The following MMACHC variants were observed in gnomAD, a reference collection of about 807,000 sequenced individuals.
MMACHC encodes the protein metabolism of cobalamin associated C.
Under a neutral mutation model 17.6 loss-of-function variants are expected in MMACHC, and 14 were observed. That is an observed-to-expected ratio of 0.80 (90% CI 0.53 to 1.25). MMACHC has a LOEUF of 1.25. Among genes scored for constraint, MMACHC ranks in the 50% most tolerant of loss-of-function variants. MMACHC has a pLI of 0.00. For synonymous variants in MMACHC, 151 were observed against 142.1 expected, an observed-to-expected ratio of 1.06 and a Z score of -0.45; for missense variants, 392 against 364.5, an observed-to-expected ratio of 1.08 and a Z score of -0.62.
chr1:45,502,354 CA>C (rs1643558663), intron 1 of MMACHC, among the ~76,000 whole-genome samples: 1 of 152,166 alleles, frequency 6.6e-6, no homozygotes, highest in Non-Finnish European at 1.5e-5. Context: ...ACTGCAGCCT[CA>C]AACTCCTGGG....
intron 3 of MMACHC, 92 bp downstream of exon 3, chr1:45,508,456 G>A (rs1428972736): frequency 3.5e-6 from 5 of 1,447,412 alleles, no homozygotes; most frequent in Non-Finnish European, 4.8e-6. Flanking sequence ...CTGGATGGAT[G>A]TGACACAACC....
Position 45,508,365 on chromosome 1 carries a change from G to C in MMACHC, c.429+1G>C, listed in dbSNP as rs1643668441. 6.2e-7 allele frequency: 1 copy of C among 1,614,146 alleles called. No homozygotes were observed. The highest frequency in any genetic ancestry group is 8.5e-7 in the Non-Finnish European group (1 of 1,180,022). ...GGAGGCTGACCCATGGGGGAACCAGGTGAGAGGGAAAATGTAAATAGAGGC... is the reference window on the plus strand; with the variant it reads ...GGAGGCTGACCCATGGGGGAACCAGCTGAGAGGGAAAATGTAAATAGAGGC... On this transcript the variant is annotated splice_donor_variant, in intron 3 of 3. Transcript: ENST00000401061. LOFTEE classifies it high-confidence loss of function.
At chr1:45,502,313 C>T (rs1234825248) in intron 1 of MMACHC, among the ~76,000 whole-genome samples, 3 of 152,134 alleles carry the variant, frequency 2.0e-5, no homozygotes, top group Non-Finnish European at 2.9e-5. Context: ...TCTGTCCTCC[C>T]GGCCGGAGTG....
intron 1 of MMACHC, among the ~76,000 whole-genome samples, chr1:45,503,014 C>A (rs12123350): frequency 6.6e-6 from 1 of 152,110 alleles, no homozygotes; most frequent in East Asian, 1.9e-4. Flanking sequence ...CACAAGGAAG[C>A]CTTTTCTAAT....
At chr1:45,500,547 T>G (rs1643523244) in intron 1 of MMACHC, 134 bp downstream of exon 1, 1 of 862,096 alleles carries the variant, frequency 1.2e-6, no homozygotes, top group Admixed American at 2.0e-5. Context: ...GGGACAGAGT[T>G]TCAGTGGGGG....
rs1322086708 is a variant in MMACHC, at chr1:45,509,197, T to C, written c.831T>C (p.Pro277=). Residue 277 remains proline, a synonymous_variant, in exon 4 of 4, where the codon CCT becomes CCC. Coordinates refer to ENST00000401061, the MANE Select transcript of MMACHC (RefSeq NM_015506.3). The stretch of plus-strand genomic sequence containing the variant: ...GGCTCAGCCCCAGGGTCTCACCACC[T>C]GCATCCCCTGGCCCTTGATTTTCTC... The part of the protein sequence containing the change: ...RSWLSPRVSP[P]ASPGP 2.0e-5 allele frequency: 33 copies of C among 1,613,954 alleles called. No individual in the cohort carries two copies. Among genetic ancestry groups the C allele is most frequent in the Non-Finnish European group, 2.8e-5 (33 of 1,180,042 alleles).
Position 45,509,128 on chromosome 1 carries a change from ACCCGCC to A in MMACHC, c.766_771del (p.Ala256_Pro257del), listed in dbSNP as rs796064513. On this transcript the variant is annotated inframe_deletion, in exon 4 of 4. Transcript: ENST00000401061. ...CCTCCCCGGACCTTCCCTTTACCAC[ACCCGCC>A]CCCAAGAAGCCTGGGAATCCCAGCA... is the stretch of plus-strand genomic sequence containing the variant. 475 of 1,610,814 alleles carry A rather than the reference ACCCGCC, an allele frequency of 2.9e-4. 2 individuals carry two copies. In the South Asian group the frequency reaches 3.1e-3, roughly 11 times the overall value.
At chr1:45,503,431 C>CTTTT (rs10607418) in intron 1 of MMACHC, among the ~76,000 whole-genome samples, 7 of 77,032 alleles carry the variant, frequency 9.1e-5, no homozygotes, top group Non-Finnish European at 1.1e-4. Flanking sequence ...TAACTCTCTG[C>CTTTT]TTTTTTTTTT....
chr1:45,508,296 G>C lies in MMACHC; in HGVS notation c.361G>C (p.Ala121Pro). 1 of 1,614,234 alleles carries C rather than the reference G, an allele frequency of 6.2e-7. No individual in the cohort carries two copies. The highest frequency in any genetic ancestry group is 8.5e-7 in the Non-Finnish European group (1 of 1,180,042). The change falls in exon 3 of 4, where the codon GCC (alanine) becomes CCC (proline). Residue 121 changes from alanine (A) to proline (P), a missense_variant. Coordinates refer to ENST00000401061, the MANE Select transcript of MMACHC (RefSeq NM_015506.3). ...RRPKILAQTAAHVAGAAYYYQ... is the reference protein window; with the variant it reads ...RRPKILAQTAPHVAGAAYYYQ... Reference sequence around the variant, plus strand: ...CCCCAAGATCCTGGCCCAGACAGCAGCCCATGTAGCTGGGGCTGCTTACTA... The same window carrying C: ...CCCCAAGATCCTGGCCCAGACAGCACCCCATGTAGCTGGGGCTGCTTACTA...
At chr1:45,500,595 T>C (rs539030901) in intron 1 of MMACHC, among the ~76,000 whole-genome samples, 182 bp downstream of exon 1, 2 of 152,318 alleles carry the variant, frequency 1.3e-5, no homozygotes, top group South Asian at 4.1e-4. Context: ...CCGGGCATGG[T>C]GGCTCACGCC....
Position 45,509,416 on chromosome 1 carries a change from G to GTTTTTC in MMACHC, c.*206_*207insCTTTTT. The GTTTTTC allele has an allele frequency of 2.6e-6, 1 of 390,460 alleles. No individual in the cohort carries two copies. The highest frequency in any genetic ancestry group is 4.4e-6 in the Non-Finnish European group (1 of 229,000). 24.2% of individuals were successfully genotyped at this position (390,460 alleles called of 1,614,324 possible). A position where few individuals can be genotyped will look rare whatever the true frequency, so the allele number is the denominator to read the frequency against. ...AGAATTCCCATCTGCCTTCAAATGA[G>GTTTTTC]TTTTTTTTTTTTTTTTAGACAGAGT... On this transcript the variant is annotated 3_prime_UTR_variant, in exon 4 of 4. Transcript: ENST00000401061.
chr1:45,509,819 C>CGAG lies in MMACHC; in HGVS notation c.*605_*606insAGG, dbSNP rs1177940803. ...CCTACCAGCAGGGTGTGGTGGCTCC[C>CGAG]GCCTGTAATCCCAGCACTCTGGGAG... On this transcript the variant is annotated 3_prime_UTR_variant, in exon 4 of 4. Coordinates refer to ENST00000401061, the MANE Select transcript of MMACHC (RefSeq NM_015506.3). The CGAG allele has an allele frequency of 6.6e-6, 1 of 151,980 alleles. No homozygotes were observed. The highest frequency in any genetic ancestry group is 2.4e-5 in the African/African-American group (1 of 41,300). 9.4% of individuals were successfully genotyped at this position (151,980 alleles called of 1,614,324 possible).
intron 3 of MMACHC, 80 bp downstream of exon 3, chr1:45,508,444 C>G (rs542068427): frequency 6.6e-7 from 1 of 1,511,688 alleles, no homozygotes; most frequent in African/African-American, 1.4e-5. Context: ...CCTCAGCCTT[C>G]CCTGGATGGA....
rs1193654081 is a variant in MMACHC, at chr1:45,510,497, C to T, written c.*1282C>T. On this transcript the variant is annotated 3_prime_UTR_variant, in exon 4 of 4. Coordinates refer to ENST00000401061, the MANE Select transcript of MMACHC (RefSeq NM_015506.3). ...ACCGCCTGAGGCAAGGAATTCAGAA[C>T]CACTCTGGGCAACATAATGACACTA... 1 of 152,232 alleles carries T rather than the reference C, an allele frequency of 6.6e-6. No homozygotes were observed. The highest frequency in any genetic ancestry group is 1.5e-5 in the Non-Finnish European group (1 of 68,104). The allele number at this position is 152,232 out of a possible 1,614,324, so 9.4% of individuals were successfully genotyped here.
chr1:45,501,433 G>A (rs1445022506), intron 1 of MMACHC, among the ~76,000 whole-genome samples: 2 of 152,140 alleles, frequency 1.3e-5, no homozygotes, highest in Non-Finnish European at 2.9e-5. Context: ...GGATATAGAG[G>A]GAGAAGTAGG....
rs1410178314 is a variant in MMACHC at position 45,506,497 on chromosome 1, AT to A, written c.82-853del. Among the ~76,000 whole-genome samples, 5 of 151,438 alleles carry A rather than the reference AT, an allele frequency of 3.3e-5. No individual in the cohort carries two copies. The East Asian group carries it at 5.8e-4, about 18-fold the overall frequency. ...TTAATTTTCTTTTATTATTATTATT[AT>A]TTTTTGAGGCGGGGGTCTCACTCTG... On this transcript the variant is annotated intron_variant, in intron 1 of 3. Coordinates refer to ENST00000401061, the MANE Select transcript of MMACHC (RefSeq NM_015506.3).
In MMACHC at chr1:45,511,579, C is replaced by T. The variant is rs982922399; in HGVS notation, c.*2364C>T. On this transcript the variant is annotated 3_prime_UTR_variant, in exon 4 of 4. Transcript: ENST00000401061. ...CTTTTAGTATGAGCTAACCATTTTA[C>T]AAACATATAATCATCACCACAGCCT... 2.2e-6 allele frequency: 1 copy of T among 455,556 alleles called. No individual in the cohort carries two copies. Among genetic ancestry groups the T allele is most frequent in the Non-Finnish European group, 3.9e-6 (1 of 257,780 alleles). 28.2% of individuals were successfully genotyped at this position (455,556 alleles called of 1,614,324 possible). A position where few individuals can be genotyped will look rare whatever the true frequency, so the allele number is the denominator to read the frequency against.
chr1:45,505,956 G>A (rs1390222481), intron 1 of MMACHC, among the ~76,000 whole-genome samples: 1 of 151,826 alleles, frequency 6.6e-6, no homozygotes, highest in African/African-American at 2.4e-5. Context: ...TCTAGAGTTA[G>A]GGTTATATAG....
In MMACHC at chr1:45,511,024, G is replaced by A. The variant is rs1643732897; in HGVS notation, c.*1809G>A. The A allele has an allele frequency of 8.6e-6, 2 of 232,146 alleles. No individual in the cohort carries two copies. Among genetic ancestry groups the A allele is most frequent in the Non-Finnish European group, 1.7e-5 (2 of 121,050 alleles). The allele number at this position is 232,146 out of a possible 1,614,324, so 14.4% of individuals were successfully genotyped here. A position where few individuals can be genotyped will look rare whatever the true frequency, so the allele number is the denominator to read the frequency against. On this transcript the variant is annotated 3_prime_UTR_variant, in exon 4 of 4. Transcript: ENST00000401061. Reference sequence around the variant, plus strand: ...TCTTAAAATCAAAAGCTAATAATATGCTTCCTAAAATAAAGACTCATCAAG... The same window carrying A: ...TCTTAAAATCAAAAGCTAATAATATACTTCCTAAAATAAAGACTCATCAAG...
Sources: gnomAD v4.1 joint callset for allele counts (sites outside exome capture counted in the v4.1 genomes callset) on GRCh38, gnomAD v4.1.1 for gene constraint, MANE v1.5 for transcripts, NCBI Gene and HGNC (gene_info 2026-07-23, HGNC 2026-07-21) for gene names.